LIN7A: variants seen among roughly 807,000 people sequenced by gnomAD.
LIN7A encodes lin-7 cell polarity scaffold A, also known as protein lin-7 homolog A.
Under a neutral mutation model 29.8 loss-of-function variants are expected in LIN7A, and 25 were observed. That is an observed-to-expected ratio of 0.84 (90% CI 0.61 to 1.17). The LOEUF is 1.17. LIN7A is among the 50% of genes most tolerant of loss of function. The pLI is 0.00. For missense variants in LIN7A, 239 were observed against 287.0 expected (o/e 0.83, Z 1.21); for synonymous variants, 118 against 107.5 (o/e 1.10, Z -0.60).
chr12:80,937,858 C>T lies in LIN7A; in HGVS notation c.-136G>A, dbSNP rs1422335943. 4 of 590,390 alleles carry T rather than the reference C, an allele frequency of 6.8e-6. No individual in the cohort carries two copies. Among genetic ancestry groups the T allele is most frequent in the Non-Finnish European group, 1.1e-5 (4 of 357,692 alleles). 36.6% of individuals were successfully genotyped at this position (590,390 alleles called of 1,614,324 possible). A position where few individuals can be genotyped will look rare whatever the true frequency, so the allele number is the denominator to read the frequency against. ...AAGAAAGCTTGGGTGGGTTGGTAGC[C>T]AGATGGAGACGCAACTGTTCCGCGG... On this transcript the variant is annotated 5_prime_UTR_variant, in exon 1 of 6. Coordinates refer to ENST00000552864, the MANE Select transcript of LIN7A (RefSeq NM_004664.4).
intron 2 of LIN7A, among the ~76,000 whole-genome samples, chr12:80,888,673 A>G (rs1875462722): frequency 6.6e-6 from 1 of 152,178 alleles, no homozygotes; most frequent in African/African-American, 2.4e-5. Flanking sequence ...TAAATTCATT[A>G]GTTGAATGGT....
intron 5 of LIN7A, among the ~76,000 whole-genome samples, chr12:80,803,335 C>T (rs1469616089): frequency 6.6e-6 from 1 of 152,130 alleles, no homozygotes; most frequent in Non-Finnish European, 1.5e-5. Flanking sequence ...CAATTTCATT[C>T]TTCTGCTTTG....
At chr12:80,808,806 C>T (rs1331638029) in intron 5 of LIN7A, among the ~76,000 whole-genome samples, 1 of 151,408 alleles carries the variant, frequency 6.6e-6, no homozygotes, top group Non-Finnish European at 1.5e-5. Context: ...CGCTTGGCTC[C>T]CAATAAATGT....
In LIN7A at chr12:80,797,272, G is replaced by A. The variant is rs1414391596; in HGVS notation, c.*455C>T. The A allele has an allele frequency of 6.6e-6, 1 of 152,332 alleles. No homozygotes were observed. Among genetic ancestry groups the A allele is most frequent in the East Asian group, 1.9e-4 (1 of 5,200 alleles). 9.4% of individuals were successfully genotyped at this position (152,332 alleles called of 1,614,324 possible). ...CAGACAACTCAGCACTATGGATTGT[G>A]GAGCAGGTGAGGGTAAGGAGCAATG... is the stretch of plus-strand genomic sequence containing the variant. On this transcript the variant is annotated 3_prime_UTR_variant, in exon 6 of 6. Coordinates refer to ENST00000552864, the MANE Select transcript of LIN7A (RefSeq NM_004664.4).
At chr12:80,805,304 G>A (rs542275501) in intron 5 of LIN7A, among the ~76,000 whole-genome samples, 12 of 152,154 alleles carry the variant, frequency 7.9e-5, no homozygotes, top group South Asian at 2.1e-4. Flanking sequence ...GATAGTTTTC[G>A]TAATAATTCC....
chr12:80,927,557 G>C (rs1018429618), intron 1 of LIN7A, among the ~76,000 whole-genome samples: 2 of 152,074 alleles, frequency 1.3e-5, no homozygotes, highest in African/African-American at 4.8e-5. Flanking sequence ...AAATTCATTG[G>C]GTATTTTCAG....
chr12:80,842,952 G>A (rs1395885853), intron 4 of LIN7A, among the ~76,000 whole-genome samples: 1 of 147,896 alleles, frequency 6.8e-6, no homozygotes, highest in Non-Finnish European at 1.5e-5. Flanking sequence ...ACCAGTCTAG[G>A]GTAGTTAGCC....
chr12:80,920,548 CAG>C (rs1877249879), intron 1 of LIN7A, among the ~76,000 whole-genome samples: 1 of 152,090 alleles, frequency 6.6e-6, no homozygotes, highest in African/African-American at 2.4e-5. Flanking sequence ...ACAAAAAAGA[CAG>C]AGCAAAATAG....
intron 5 of LIN7A, among the ~76,000 whole-genome samples, chr12:80,808,325 C>G (rs1258649438): frequency 2.0e-5 from 3 of 152,050 alleles, no homozygotes; most frequent in Non-Finnish European, 4.4e-5. Context: ...GTACTGGTCC[C>G]AATAGGATAT....
At chr12:80,810,030 C>G (rs538555685) in intron 5 of LIN7A, among the ~76,000 whole-genome samples, 2 of 152,294 alleles carry the variant, frequency 1.3e-5, no homozygotes, top group Admixed American at 1.3e-4. Flanking sequence ...TATTTACAGT[C>G]CATTCTCTCA....
chr12:80,895,795 T>C (rs192660261), intron 1 of LIN7A, among the ~76,000 whole-genome samples: 19 of 152,236 alleles, frequency 1.2e-4, no homozygotes, highest in African/African-American at 4.3e-4. Flanking sequence ...GCCTTGGAGG[T>C]AAAACTCCCA....
chr12:80,867,746 T>C (rs1322916022), intron 2 of LIN7A, among the ~76,000 whole-genome samples: 3 of 152,206 alleles, frequency 2.0e-5, no homozygotes, highest in Non-Finnish European at 2.9e-5. Flanking sequence ...TAACATCTTA[T>C]AGTAAATTTC....
At chr12:80,903,161 T>G (rs1449848336) in intron 1 of LIN7A, among the ~76,000 whole-genome samples, 1 of 151,776 alleles carries the variant, frequency 6.6e-6, no homozygotes, top group Non-Finnish European at 1.5e-5. Context: ...ATTAAAACAT[T>G]AAAAACCAAT....
intron 1 of LIN7A, among the ~76,000 whole-genome samples, chr12:80,907,098 T>TGTG (rs66479772): frequency 2.0e-4 from 29 of 147,708 alleles, no homozygotes; most frequent in Non-Finnish European, 2.9e-4. Context: ...TGTGTGTGTG[T>TGTG]TGAGGATTAA....
intron 5 of LIN7A, among the ~76,000 whole-genome samples, chr12:80,801,687 T>A (rs1870728917): frequency 6.6e-6 from 1 of 152,196 alleles, no homozygotes; most frequent in Non-Finnish European, 1.5e-5. Context: ...TTTTTTGTGG[T>A]GGAAATATTT....
intron 5 of LIN7A, among the ~76,000 whole-genome samples, chr12:80,803,422 A>C (rs1179402824): frequency 6.6e-6 from 1 of 152,222 alleles, no homozygotes; most frequent in East Asian, 1.9e-4. Flanking sequence ...CCTTTGTCAA[A>C]AATCAATTAA....
At chr12:80,879,152 C>A (rs1249181501) in intron 2 of LIN7A, among the ~76,000 whole-genome samples, 6 of 151,922 alleles carry the variant, frequency 3.9e-5, no homozygotes, top group South Asian at 4.1e-4. Context: ...AGATTGCTTG[C>A]TATGTAACTA....
intron 4 of LIN7A, among the ~76,000 whole-genome samples, chr12:80,843,959 A>G (rs1319828826): frequency 4.6e-5 from 7 of 151,760 alleles, no homozygotes; most frequent in Admixed American, 3.9e-4. Context: ...CTCAAAGTCA[A>G]CCACGTATTA....
chr12:80,842,105 C>T, intron 4 of LIN7A: 1 of 1,287,212 alleles, frequency 7.8e-7, no homozygotes, highest in Non-Finnish European at 1.0e-6. Flanking sequence ...CATGAGTTTC[C>T]ATCTGTTTTT....
Sources: allele counts gnomAD v4.1 joint callset (sites outside exome capture counted in the v4.1 genomes callset), GRCh38; gene constraint gnomAD v4.1.1; transcripts MANE v1.5; gene names NCBI Gene and HGNC (gene_info 2026-07-23, HGNC 2026-07-21).